RPGRIP1L: variants seen among roughly 807,000 people sequenced by gnomAD.
RPGRIP1L encodes protein fantom.
RPGRIP1L carries 131 observed loss-of-function variants against 160.4 expected under a neutral mutation model. That is an observed-to-expected ratio of 0.82 (90% confidence interval 0.71 to 0.94). The LOEUF is 0.94. RPGRIP1L is among the 40% of genes least tolerant of loss of function. RPGRIP1L has a pLI of 0.00. For synonymous variants in RPGRIP1L, 510 were observed against 515.8 expected (o/e 0.99, Z 0.15); for missense variants, 1,522 against 1,535.8 (o/e 0.99, Z 0.15).
rs1436719461 is a variant in RPGRIP1L at position 53,638,312 on chromosome 16, T to G, written c.3058A>C (p.Lys1020Gln). ...ATAATTTTAACACAAATGCATACCT[T>G]GGGAACATGTGGAACAGTCAGCATA... is the stretch of plus-strand genomic sequence containing the variant. ...INMLTVPHVPKVSQEGSVDEV... is the reference protein window; with the variant it reads ...INMLTVPHVPQVSQEGSVDEV... Residue 1020 changes from lysine (K) to glutamine (Q), a missense_variant and splice_region_variant, in exon 20 of 27, where the codon AAG (lysine) becomes CAG (glutamine). Physicochemically the swap from Lys to Gln is moderately conservative, Grantham distance 53. Transcript: ENST00000647211. The G allele has an allele frequency of 2.6e-6, 4 of 1,531,972 alleles. No homozygotes were observed. In the South Asian group the frequency reaches 4.5e-5, roughly 17 times the overall value. The allele number at this position is 1,531,972 out of a possible 1,614,324, so 94.9% of individuals were successfully genotyped here. A position where few individuals can be genotyped will look rare whatever the true frequency, so the allele number is the denominator to read the frequency against.
intron 24 of RPGRIP1L, among the ~76,000 whole-genome samples, chr16:53,612,488 GA>G (rs1213899450): frequency 7.9e-6 from 1 of 126,032 alleles, no homozygotes; most frequent in African/African-American, 3.5e-5. Context: ...TTCCAAATGG[GA>G]TTTTTTTTTT....
At chr16:53,638,095 A>G (rs769296095) in intron 20 of RPGRIP1L, among the ~76,000 whole-genome samples, 12 of 152,174 alleles carry the variant, frequency 7.9e-5, no homozygotes, top group Non-Finnish European at 1.2e-4. Context: ...TGAATTTTAC[A>G]TTAAGACTTT....
intron 13 of RPGRIP1L, 140 bp from the exon 14 acceptor site, chr16:53,656,729 T>G: frequency 2.9e-6 from 2 of 679,600 alleles, no homozygotes; most frequent in Non-Finnish European, 2.6e-6. Context: ...TCAAGTAGCT[T>G]ACACTTTAGA....
rs1598375636 is a variant in RPGRIP1L at position 53,672,984 on chromosome 16, A to G, written c.915T>C (p.Ala305=). 1 of 1,613,350 alleles carries G rather than the reference A, an allele frequency of 6.2e-7. No individual in the cohort carries two copies. The highest frequency in any genetic ancestry group is 2.2e-5 in the East Asian group (1 of 44,810). Residue 305 remains alanine (A), a synonymous_variant, in exon 8 of 27, where the codon GCT becomes GCC. Coordinates refer to ENST00000647211, the MANE Select transcript of RPGRIP1L (RefSeq NM_015272.5). The part of the protein sequence containing the change: ...KQRTLRISHD[A]LMANGDELNM... The stretch of plus-strand genomic sequence containing the variant: ...TTAATTCATCCCCATTTGCCATCAA[A>G]GCATCGTGGCTGATTCTGAGAGTTC...
intron 6 of RPGRIP1L, among the ~76,000 whole-genome samples, chr16:53,685,360 T>C (rs1485457778): frequency 6.6e-6 from 1 of 152,184 alleles, no homozygotes; most frequent in African/African-American, 2.4e-5. Flanking sequence ...ACTGGGTATA[T>C]ACCTAAAGGA....
intron 9 of RPGRIP1L, among the ~76,000 whole-genome samples, chr16:53,669,834 T>A (rs1244403960): frequency 2.0e-5 from 3 of 152,090 alleles, no homozygotes; most frequent in Non-Finnish European, 4.4e-5. Context: ...GCAATTAAAA[T>A]CAGATAGTGA....
intron 24 of RPGRIP1L, among the ~76,000 whole-genome samples, chr16:53,617,073 C>CAAA (rs397945611): frequency 2.3e-4 from 5 of 21,844 alleles, no homozygotes; most frequent in South Asian, 3.0e-3. Context: ...CCTTGCATCA[C>CAAA]AAAAAAAAAA....
intron 22 of RPGRIP1L, among the ~76,000 whole-genome samples, chr16:53,622,896 G>C (rs1193918325): frequency 6.6e-6 from 1 of 151,832 alleles, no homozygotes; most frequent in Non-Finnish European, 1.5e-5. Context: ...CTACCTGGGA[G>C]GCTGAGGTTG....
chr16:53,610,034 G>A (rs1353542807), intron 25 of RPGRIP1L, among the ~76,000 whole-genome samples: 1 of 151,994 alleles, frequency 6.6e-6, no homozygotes, highest in Non-Finnish European at 1.5e-5. Flanking sequence ...GGCAGTGAGA[G>A]GCTGTGTCAT....
chr16:53,696,274 A>G lies in RPGRIP1L; in HGVS notation c.107T>C (p.Met36Thr), dbSNP rs1400799933. The G allele has an allele frequency of 3.1e-6, 5 of 1,613,986 alleles. No individual in the cohort carries two copies. The East Asian group carries it at 1.1e-4, about 36-fold the overall frequency. ...ACGTGACACTGCCTGGCGAGACTTC[A>G]TTGTCCGTGTTGTTGAAGTTTCTGC... ...GLQETSTTRT[M>T]KSRQAVSRVS... The change falls in exon 3 of 27, where the codon ATG (methionine) becomes ACG (threonine). Residue 36 changes from methionine to threonine, a missense_variant. Physicochemically the swap from Met to Thr is moderately conservative, Grantham distance 81. Transcript: ENST00000647211.
chr16:53,664,948 T>A lies in RPGRIP1L; in HGVS notation c.1165A>T (p.Ile389Phe). ...TTCAAGGCAGTCTCGAGCTGAGCAA[T>A]CTGCACTTTCAGCTGTTGCTCCTTT... ...KLKEQQLKVQ[I>F]AQLETALKSD... Residue 389 changes from isoleucine to phenylalanine, a missense_variant, in exon 10 of 27, where the codon ATT becomes TTT. Coordinates refer to ENST00000647211, the MANE Select transcript of RPGRIP1L (RefSeq NM_015272.5). 6.2e-7 allele frequency: 1 copy of A among 1,613,534 alleles called. No homozygotes were observed. The highest frequency in any genetic ancestry group is 1.3e-5 in the African/African-American group (1 of 75,050).
intron 22 of RPGRIP1L, among the ~76,000 whole-genome samples, chr16:53,626,606 A>C (rs1965195486): frequency 6.6e-6 from 1 of 152,080 alleles, no homozygotes; most frequent in Admixed American, 6.5e-5. Context: ...TGACTTCAAG[A>C]CCAGCCTGGC....
At chr16:53,619,287 C>G in intron 23 of RPGRIP1L, 79 bp from the exon 24 acceptor site, 1 of 1,348,682 alleles carries the variant, frequency 7.4e-7, no homozygotes, top group Non-Finnish European at 1.1e-6. Flanking sequence ...TTTCCACTAT[C>G]AATTTTAAAT....
rs552890074 is a variant in RPGRIP1L, at chr16:53,644,393, G to A, written c.2683+1232C>T. Reference sequence around the variant, plus strand: ...ACATGTACTGGAAGTTCAAGAAGGAGAAGAAAAAAAGAGGAGAAAAAAATA... The same window carrying A: ...ACATGTACTGGAAGTTCAAGAAGGAAAAGAAAAAAAGAGGAGAAAAAAATA... On this transcript the variant is annotated intron_variant, in intron 17 of 26. Transcript: ENST00000647211. Among the ~76,000 whole-genome samples the A allele has an allele frequency of 1.2e-4, 18 of 151,788 alleles. 1 individual carries two copies. The South Asian group carries it at 3.7e-3, about 32-fold the overall frequency.
intron 22 of RPGRIP1L, among the ~76,000 whole-genome samples, chr16:53,625,039 T>G (rs1225761963): frequency 1.3e-5 from 2 of 152,178 alleles, no homozygotes. Flanking sequence ...GTGCCGGGAT[T>G]GCAGACGGAG....
chr16:53,671,415 C>A, intron 9 of RPGRIP1L, 95 bp downstream of exon 9: 3 of 793,980 alleles, frequency 3.8e-6, no homozygotes, highest in Non-Finnish European at 6.4e-6. Flanking sequence ...GTTGCTAATT[C>A]TTTGATCAAC....
rs746987430 is a variant in RPGRIP1L at position 53,601,781 on chromosome 16, T to C, written c.*295A>G. 3.7e-5 allele frequency: 10 copies of C among 271,816 alleles called. No homozygotes were observed. Among genetic ancestry groups the C allele is most frequent in the Non-Finnish European group, 5.7e-5 (8 of 140,928 alleles). 16.8% of individuals were successfully genotyped at this position (271,816 alleles called of 1,614,324 possible). ...CATTTCGGTTCTTCCTAAGAAAATG[T>C]TGAAAATGCAAATAGACTTTCTCAC... On this transcript the variant is annotated 3_prime_UTR_variant, in exon 27 of 27. Coordinates refer to ENST00000647211, the MANE Select transcript of RPGRIP1L (RefSeq NM_015272.5).
In RPGRIP1L at chr16:53,637,854, C is replaced by T. The variant is rs552123467; in HGVS notation, c.3061G>A (p.Val1021Ile). 2 of 1,612,430 alleles carry T rather than the reference C, an allele frequency of 1.2e-6. No individual in the cohort carries two copies. The highest frequency in any genetic ancestry group is 1.7e-5 in the Admixed American group (1 of 59,968). The change falls in exon 21 of 27, where the codon GTT becomes ATT. Residue 1021 changes from valine to isoleucine, a missense_variant and splice_region_variant. Val to Ile is a conservative substitution (Grantham distance 29). Coordinates refer to ENST00000647211, the MANE Select transcript of RPGRIP1L (RefSeq NM_015272.5). ...NMLTVPHVPKVSQEGSVDEVK... is the reference protein window; with the variant it reads ...NMLTVPHVPKISQEGSVDEVK... The stretch of plus-strand genomic sequence containing the variant: ...TCATCTACACTGCCTTCTTGTGAAA[C>T]CTGAAGAAATCAAAGCACACTGGTA...
chr16:53,618,247 C>A (rs1964498337), intron 24 of RPGRIP1L, among the ~76,000 whole-genome samples: 1 of 152,130 alleles, frequency 6.6e-6, no homozygotes, highest in Admixed American at 6.5e-5. Flanking sequence ...TTATGCTTCA[C>A]TCAATTAAAA....
Sources: allele counts gnomAD v4.1 joint callset (sites outside exome capture counted in the v4.1 genomes callset), GRCh38; gene constraint gnomAD v4.1.1; transcripts MANE v1.5; gene names NCBI Gene and HGNC (gene_info 2026-07-23, HGNC 2026-07-21).